The following HID1 variants were observed in gnomAD, a reference collection of about 807,000 sequenced individuals.
The protein encoded by HID1 is protein HID1.
In HID1, 42 loss-of-function variants were observed where a neutral mutation model predicts 89.7. The ratio of observed to expected loss-of-function variants is 0.47; its 90% CI spans 0.37 to 0.61. The LOEUF (loss-of-function observed/expected upper bound fraction) is 0.61. Ranked by LOEUF, HID1 falls within the 20% of genes least tolerant of loss-of-function variation. The probability of loss-of-function intolerance (pLI) is 0.00; values close to 1 mark genes in which losing one functional copy is unlikely to be tolerated. For missense variants in HID1, 854 were observed against 1,039.3 expected, an observed-to-expected ratio of 0.82 and a Z score of 2.45; for synonymous variants, 442 against 433.8, an observed-to-expected ratio of 1.02 and a Z score of -0.24.
chr17:74,952,254 CG>C lies in HID1; in HGVS notation c.2144+14del. ...CCCCGCCCACAACCCCCGGCCCTGCCGGCGCCCGACTCACTTGTCAATGCAG... is the reference window on the plus strand; with the variant it reads ...CCCCGCCCACAACCCCCGGCCCTGCCGCGCCCGACTCACTTGTCAATGCAG... On this transcript the variant is annotated intron_variant, in intron 17 of 18. Transcript: ENST00000425042. The C allele has an allele frequency of 1.2e-6, 2 of 1,609,958 alleles. No individual in the cohort carries two copies. Among genetic ancestry groups the C allele is most frequent in the Non-Finnish European group, 1.7e-6 (2 of 1,177,664 alleles).
intron 14 of HID1, 116 bp downstream of exon 14, chr17:74,954,022 C>T (rs2039348098): frequency 1.1e-5 from 11 of 1,020,870 alleles, no homozygotes; most frequent in East Asian, 5.1e-5. Flanking sequence ...CCCATCCCCT[C>T]GGCTTCCATA....
chr17:74,955,977 C>A, intron 12 of HID1, 21 bp from the exon 13 acceptor site: 1 of 1,608,634 alleles, frequency 6.2e-7, no homozygotes, highest in East Asian at 2.2e-5. Context: ...GGGGTCAGCT[C>A]ACTCCTGGGC....
Position 74,958,315 on chromosome 17 carries a change from G to A in HID1, c.1392+12C>T, listed in dbSNP as rs369884327. The A allele has an allele frequency of 2.5e-5, 41 of 1,612,518 alleles. 1 individual carries two copies. In the African/African-American group the frequency reaches 3.2e-4, roughly 13 times the overall value. ...CTGCACCTCCTGGGCCCGGCCGCAC[G>A]AGCCCCCTCACCACAATGAGCAGGT... is the stretch of plus-strand genomic sequence containing the variant. On this transcript the variant is annotated intron_variant, in intron 11 of 18. Transcript: ENST00000425042. The surrounding 1 kb of genome is among the most constrained non-coding windows in gnomAD (Gnocchi z 5.2).
chr17:74,955,921 C>T lies in HID1; in HGVS notation c.1507G>A (p.Ala503Thr), dbSNP rs746182882. 22 of 1,613,890 alleles carry T rather than the reference C, an allele frequency of 1.4e-5. No individual in the cohort carries two copies. The highest frequency in any genetic ancestry group is 4.4e-5 in the South Asian group (4 of 91,080). ...PYLKSLSMVT[A>T]NKLLHLLEAF... ...TCCAGCAGGTGCAGCAACTTGTTGG[C>T]AGTCACCATGGACAGGCTCTTGAGG... Residue 503 changes from alanine to threonine, a missense_variant, in exon 13 of 19, where the codon GCC (alanine) becomes ACC (threonine). Coordinates refer to ENST00000425042, the MANE Select transcript of HID1 (RefSeq NM_030630.3).
chr17:74,952,179 C>A (rs376470636), intron 17 of HID1, 90 bp downstream of exon 17: 15 of 1,525,994 alleles, frequency 9.8e-6, no homozygotes, highest in Middle Eastern at 4.6e-4. Context: ...CTAGGCTGGC[C>A]CCGCCCAGAG....
intron 17 of HID1, 94 bp downstream of exon 17, chr17:74,952,175 T>C: frequency 2.6e-6 from 4 of 1,523,810 alleles, no homozygotes; most frequent in South Asian, 1.2e-5. Context: ...AAGCCTAGGC[T>C]GGCCCCGCCC....
At chr17:74,957,878 C>A in intron 12 of HID1, 2 of 449,464 alleles carry the variant, frequency 4.4e-6, no homozygotes, top group South Asian at 4.5e-5. Flanking sequence ...CCAGCCTGGG[C>A]GACAAGACTG....
At chr17:74,956,971 A>T (rs1445128053) in intron 12 of HID1, among the ~76,000 whole-genome samples, 1 of 152,238 alleles carries the variant, frequency 6.6e-6, no homozygotes, top group Non-Finnish European at 1.5e-5. Context: ...CACAGTGGAC[A>T]TCAGCCACGT....
chr17:74,958,332 T>C lies in HID1; in HGVS notation c.1387A>G (p.Ile463Val). Residue 463 changes from isoleucine to valine, a missense_variant, in exon 11 of 19, where the codon ATT becomes GTT. Physicochemically the swap from Ile to Val is conservative, Grantham distance 29. Coordinates refer to ENST00000425042, the MANE Select transcript of HID1 (RefSeq NM_030630.3). The surrounding 1 kb of genome is among the most constrained non-coding windows in gnomAD (Gnocchi z 5.2). ...VFTGTHADLL[I>V]VVFHKIITSG... The stretch of plus-strand genomic sequence containing the variant: ...GGCCGCACGAGCCCCCTCACCACAA[T>C]GAGCAGGTCGGCGTGGGTCCCTGTG... 3 of 1,613,260 alleles carry C rather than the reference T, an allele frequency of 1.9e-6. No homozygotes were observed. The highest frequency in any genetic ancestry group is 2.5e-6 in the Non-Finnish European group (3 of 1,179,722).
chr17:74,961,743 A>G, intron 6 of HID1, 130 bp downstream of exon 6: 2 of 469,356 alleles, frequency 4.3e-6, no homozygotes, highest in African/African-American at 4.0e-5. Flanking sequence ...TGTGGCTGGT[A>G]AGTTAAAGTT....
Position 74,972,476 on chromosome 17 carries a change from C to A in HID1, c.66+115G>T. 4.0e-6 allele frequency: 4 copies of A among 1,012,640 alleles called. No homozygotes were observed. The highest frequency in any genetic ancestry group is 2.6e-5 in the Admixed American group (1 of 37,922). 62.7% of individuals were successfully genotyped at this position (1,012,640 alleles called of 1,614,324 possible). On this transcript the variant is annotated intron_variant, in intron 1 of 18. Transcript: ENST00000425042. This position sits in a 1 kb window ranked among gnomAD's most constrained non-coding sequence, Gnocchi z 6.4. Reference sequence around the variant, plus strand: ...CGTTCCGGCGCTGGCCTTGGCGTTACGCTCGGGGCCCGCCCGTCCCCCCAT... The same window carrying A: ...CGTTCCGGCGCTGGCCTTGGCGTTAAGCTCGGGGCCCGCCCGTCCCCCCAT...
In HID1 at chr17:74,955,861, C is replaced by A. The variant is rs139210935; in HGVS notation, c.1567G>T (p.Ala523Ser). 16 of 1,613,966 alleles carry A rather than the reference C, an allele frequency of 9.9e-6. No homozygotes were observed. The highest frequency in any genetic ancestry group is 1.4e-5 in the Non-Finnish European group (16 of 1,180,018). ...AAGAAGACCAGGTGGTGGTTCTGGG[C>A]GGCAGAGAAGAGGAACCAGGTGGTG... ...FSTTWFLFSA[A>S]QNHHLVFFLL... The change falls in exon 13 of 19, where the codon GCC becomes TCC. Residue 523 changes from alanine (A) to serine (S), a missense_variant. Ala to Ser is a moderately conservative substitution (Grantham distance 99). Transcript: ENST00000425042.
Position 74,958,865 on chromosome 17 carries a change from G to C in HID1, c.1149+46C>G. The C allele has an allele frequency of 6.3e-7, 1 of 1,582,258 alleles. No individual in the cohort carries two copies. Among genetic ancestry groups the C allele is most frequent in the South Asian group, 1.2e-5 (1 of 86,234 alleles). Reference sequence around the variant, plus strand: ...CTGTCCCTGCCCCCGGGTTATTGGGGCAGCTGCTCTCCATCTCCCTGCAGG... The same window carrying C: ...CTGTCCCTGCCCCCGGGTTATTGGGCCAGCTGCTCTCCATCTCCCTGCAGG... On this transcript the variant is annotated intron_variant, in intron 9 of 18. Transcript: ENST00000425042. This position sits in a 1 kb window ranked among gnomAD's most constrained non-coding sequence, Gnocchi z 5.2.
At chr17:74,969,330 C>T (rs556818783) in intron 1 of HID1, among the ~76,000 whole-genome samples, 1 of 152,024 alleles carries the variant, frequency 6.6e-6, no homozygotes, top group Non-Finnish European at 1.5e-5. Flanking sequence ...GGATTACAGG[C>T]GCCTGCCACG....
chr17:74,956,838 C>A (rs989792392), intron 12 of HID1, among the ~76,000 whole-genome samples: 3 of 152,230 alleles, frequency 2.0e-5, no homozygotes, highest in Admixed American at 6.5e-5. Context: ...CTCTCCCCAG[C>A]AGCTGTGTGC....
Position 74,954,336 on chromosome 17 carries a change from G to C in HID1, c.1666C>G (p.Arg556Gly). The C allele has an allele frequency of 6.3e-7, 1 of 1,576,982 alleles. No homozygotes were observed. Among genetic ancestry groups the C allele is most frequent in the Non-Finnish European group, 8.6e-7 (1 of 1,161,904 alleles). Residue 556 changes from arginine (R) to glycine (G), a missense_variant, in exon 14 of 19, where the codon CGC (arginine) becomes GGC (glycine). By Grantham distance (125) the Arg-to-Gly change is moderately radical. Transcript: ENST00000425042. Reference protein sequence around the residue: ...GNSNLVYAIIRKRSIFHQLAN... With the variant: ...GNSNLVYAIIGKRSIFHQLAN... ...AGCTGGTGGAAGATGCTGCGCTTGC[G>C]GATGATGGCGTAGACCAGGTTGGAG... is the stretch of plus-strand genomic sequence containing the variant.
rs1056396686 is a variant in HID1 at position 74,959,088 on chromosome 17, C to A, written c.1009-37G>T. The A allele has an allele frequency of 5.3e-6, 8 of 1,501,434 alleles. No homozygotes were observed. In the African/African-American group the frequency reaches 9.8e-5, roughly 18 times the overall value. 93.0% of individuals were successfully genotyped at this position (1,501,434 alleles called of 1,614,324 possible). A position where few individuals can be genotyped will look rare whatever the true frequency, so the allele number is the denominator to read the frequency against. On this transcript the variant is annotated intron_variant, in intron 8 of 18. Transcript: ENST00000425042. This position sits in a 1 kb window ranked among gnomAD's most constrained non-coding sequence, Gnocchi z 4.6. ...GGCAGAGCAGGGGGCCTGTCCAGCC[C>A]AATCCCTGCAGCTCCAGTTTCCCAG...
In HID1 at chr17:74,961,953, G is replaced by C; in HGVS notation, c.648C>G (p.Ser216=). 7 of 1,600,654 alleles carry C rather than the reference G, an allele frequency of 4.4e-6. No individual in the cohort carries two copies. The highest frequency in any genetic ancestry group is 6.0e-6 in the Non-Finnish European group (7 of 1,173,740). Residue 216 remains serine, a synonymous_variant, in exon 6 of 19, where the codon TCC becomes TCG. Coordinates refer to ENST00000425042, the MANE Select transcript of HID1 (RefSeq NM_030630.3). ...ELLKLLLTCF[S]EAMYLPPAPE... ...GAGCTGGGGGCAGGTACATGGCCTC[G>C]GAGAAGCATGTCAGCAGCAGTTTCA...
At chr17:74,960,507 T>TC (rs1248837146) in intron 6 of HID1, among the ~76,000 whole-genome samples, 2 of 152,200 alleles carry the variant, frequency 1.3e-5, no homozygotes, top group East Asian at 3.9e-4. Flanking sequence ...AAGGTGGGCT[T>TC]CCCCTCAGGG....
Sources: allele counts gnomAD v4.1 joint callset (sites outside exome capture counted in the v4.1 genomes callset), GRCh38; gene constraint gnomAD v4.1.1; non-coding constraint Gnocchi (gnomAD v3.1); transcripts MANE v1.5; gene names NCBI Gene and HGNC (gene_info 2026-07-23, HGNC 2026-07-21).